The following GFRA1 variants were observed in gnomAD, a reference collection of about 807,000 sequenced individuals.
GFRA1 encodes GDNF family receptor alpha 1, also known as GDNF family receptor alpha-1.
In GFRA1, 16 loss-of-function variants were observed where a neutral mutation model predicts 51.6. That is an observed-to-expected ratio of 0.31 (90% CI 0.21 to 0.47). The LOEUF (loss-of-function observed/expected upper bound fraction) is 0.47, where lower values mean the gene tolerates loss of function less well. Ranked by LOEUF, GFRA1 falls within the 20% of genes least tolerant of loss-of-function variation. GFRA1 has a pLI of 1.00. For synonymous variants in GFRA1, 270 were observed against 241.3 expected, an observed-to-expected ratio of 1.12 and a Z score of -1.10; for missense variants, 530 against 594.3, an observed-to-expected ratio of 0.89 and a Z score of 1.13.
chr10:116,201,689 G>T (rs1261876865), intron 5 of GFRA1, among the ~76,000 whole-genome samples: 3 of 152,110 alleles, frequency 2.0e-5, no homozygotes, highest in Non-Finnish European at 4.4e-5. Flanking sequence ...GGTCTCCAGT[G>T]AAACCGTTGG....
At chr10:116,198,529 C>A (rs1049727206) in intron 5 of GFRA1, among the ~76,000 whole-genome samples, 13 of 152,216 alleles carry the variant, frequency 8.5e-5, no homozygotes, top group Non-Finnish European at 1.8e-4. Context: ...CATTTTAATT[C>A]TTTAAGATAT....
At chr10:116,092,096 T>TAAACAC (rs1555147074) in intron 8 of GFRA1, among the ~76,000 whole-genome samples, 1 of 138,110 alleles carries the variant, frequency 7.2e-6, no homozygotes, top group Non-Finnish European at 1.6e-5. Context: ...CATACATACG[T>TAAACAC]ACACACACAC....
At chr10:116,173,766 T>G (rs1310498553) in intron 5 of GFRA1, among the ~76,000 whole-genome samples, 1 of 151,948 alleles carries the variant, frequency 6.6e-6, no homozygotes, top group Non-Finnish European at 1.5e-5. Flanking sequence ...CCGAACAGGT[T>G]TTTTTTCCCC....
intron 6 of GFRA1, among the ~76,000 whole-genome samples, chr10:116,111,013 G>A (rs759752668): frequency 2.0e-5 from 3 of 152,084 alleles, no homozygotes; most frequent in Admixed American, 6.5e-5. Flanking sequence ...TAGCTCCACC[G>A]CAGGCACTGA....
intron 5 of GFRA1, among the ~76,000 whole-genome samples, chr10:116,206,198 A>C (rs2134415688): frequency 6.6e-6 from 1 of 152,296 alleles, no homozygotes. Context: ...GAAGTGGTAA[A>C]AATAGATTTC....
chr10:116,236,007 G>A (rs747543813), intron 4 of GFRA1, among the ~76,000 whole-genome samples: 1 of 152,128 alleles, frequency 6.6e-6, no homozygotes, highest in Non-Finnish European at 1.5e-5. Flanking sequence ...CACAGACTAA[G>A]ACACAGCCTA....
At chr10:116,203,580 A>G (rs1427197085) in intron 5 of GFRA1, among the ~76,000 whole-genome samples, 2 of 152,206 alleles carry the variant, frequency 1.3e-5, no homozygotes, top group Non-Finnish European at 2.9e-5. Context: ...AAGGTGGCAC[A>G]TGGGCACCAG....
chr10:116,147,651 TC>T (rs1360721096), intron 5 of GFRA1, among the ~76,000 whole-genome samples: 1 of 152,116 alleles, frequency 6.6e-6, no homozygotes, highest in African/African-American at 2.4e-5. Flanking sequence ...ACATCAAACT[TC>T]TTTTTGTAGA....
intron 9 of GFRA1, among the ~76,000 whole-genome samples, chr10:116,087,152 G>C (rs1001872973): frequency 1.9e-4 from 29 of 152,162 alleles, no homozygotes; most frequent in Non-Finnish European, 2.9e-4. Flanking sequence ...GATGTTGCCG[G>C]GACAACCCTG....
chr10:116,096,351 C>T (rs2133905079), intron 7 of GFRA1, among the ~76,000 whole-genome samples: 1 of 152,228 alleles, frequency 6.6e-6, no homozygotes, highest in South Asian at 2.1e-4. Flanking sequence ...TTTCTCTCTG[C>T]TTTTGTTCTG....
chr10:116,116,696 CTT>C (rs1196317901), intron 6 of GFRA1, among the ~76,000 whole-genome samples: 2 of 152,210 alleles, frequency 1.3e-5, no homozygotes, highest in South Asian at 2.1e-4. Flanking sequence ...AGAAACGACT[CTT>C]TTGAAATCAG....
intron 6 of GFRA1, among the ~76,000 whole-genome samples, chr10:116,121,214 C>T (rs1957627807): frequency 6.6e-6 from 1 of 152,166 alleles, no homozygotes; most frequent in East Asian, 1.9e-4. Flanking sequence ...GTTATGCTTC[C>T]ATTCGGCCCA....
At chr10:116,068,804 C>G (rs1955235203) in intron 9 of GFRA1, among the ~76,000 whole-genome samples, 1 of 152,022 alleles carries the variant, frequency 6.6e-6, no homozygotes, top group Non-Finnish European at 1.5e-5. Flanking sequence ...ATGATAAATG[C>G]AAACAGATAA....
At chr10:116,195,711 T>A (rs960814774) in intron 5 of GFRA1, among the ~76,000 whole-genome samples, 1 of 152,174 alleles carries the variant, frequency 6.6e-6, no homozygotes, top group Non-Finnish European at 1.5e-5. Context: ...GACAAACTGA[T>A]TGCTATATCA....
At chr10:116,252,125 C>G (rs1422136604) in intron 4 of GFRA1, among the ~76,000 whole-genome samples, 1 of 151,924 alleles carries the variant, frequency 6.6e-6, no homozygotes, top group Non-Finnish European at 1.5e-5. Flanking sequence ...GAGTGCTAAT[C>G]TAAAAACCTG....
intron 4 of GFRA1, among the ~76,000 whole-genome samples, chr10:116,249,571 T>C (rs1386801933): frequency 6.6e-6 from 1 of 152,154 alleles, no homozygotes; most frequent in Non-Finnish European, 1.5e-5. Context: ...TCCTGACAGA[T>C]GTACCTCGCT....
In GFRA1 at chr10:116,118,761, C is replaced by T. The variant is rs148125485; in HGVS notation, c.770+6460G>A. Among the ~76,000 whole-genome samples, 11 of 152,330 alleles carry T rather than the reference C, an allele frequency of 7.2e-5. No homozygotes were observed. In the East Asian group the frequency reaches 2.1e-3, roughly 29 times the overall value. Reference sequence around the variant, plus strand: ...ATGCAAATGCAAAGACAAGGAGTCCCTGCTTTTTTCTCTCTCTGAGCCAAG... The same window carrying T: ...ATGCAAATGCAAAGACAAGGAGTCCTTGCTTTTTTCTCTCTCTGAGCCAAG... On this transcript the variant is annotated intron_variant, in intron 6 of 10. Transcript: ENST00000355422.
chr10:116,253,614 G>GA lies in GFRA1; in HGVS notation c.418+15888dup, dbSNP rs78090181. 1.2e-3 allele frequency among the ~76,000 whole-genome samples: 182 copies of GA among 148,990 alleles called. 2 individuals carry two copies. Among genetic ancestry groups the GA allele is most frequent in the Admixed American group, 3.0e-3 (45 of 14,986 alleles). ...GAGAGTGAGACTCTCTCTCACAAGAGAAAAAAAAAATAAGAAAGAAACCAG... is the reference window on the plus strand; with the variant it reads ...GAGAGTGAGACTCTCTCTCACAAGAGAAAAAAAAAAATAAGAAAGAAACCAG... On this transcript the variant is annotated intron_variant, in intron 4 of 10. Transcript: ENST00000355422.
At chr10:116,145,382 AAG>A (rs1270824449) in intron 5 of GFRA1, among the ~76,000 whole-genome samples, 5 of 152,032 alleles carry the variant, frequency 3.3e-5, no homozygotes, top group Admixed American at 3.3e-4. Context: ...ATGTTGCACT[AAG>A]AGAAAATTCT....
Sources: allele counts gnomAD v4.1 joint callset (sites outside exome capture counted in the v4.1 genomes callset), GRCh38; gene constraint gnomAD v4.1.1; transcripts MANE v1.5; gene names NCBI Gene and HGNC (gene_info 2026-07-23, HGNC 2026-07-21).